PTDSS2: variants seen among roughly 807,000 people sequenced by gnomAD.
The protein encoded by PTDSS2 is PSS-2.
PTDSS2 carries 41 observed loss-of-function variants against 64.7 expected under a neutral mutation model. The observed-to-expected ratio is 0.63, with a 90% CI of 0.49 to 0.82. The LOEUF (loss-of-function observed/expected upper bound fraction) is 0.82, where lower values mean the gene tolerates loss of function less well. Ranked by LOEUF, PTDSS2 falls within the 40% of genes least tolerant of loss-of-function variation. PTDSS2 has a pLI of 0.00. For missense variants in PTDSS2, 485 were observed against 650.0 expected, an observed-to-expected ratio of 0.75 and a Z score of 2.76; for synonymous variants, 297 against 277.8, an observed-to-expected ratio of 1.07 and a Z score of -0.69.
intron 1 of PTDSS2, among the ~76,000 whole-genome samples, chr11:454,159 G>A (rs7931534): frequency 0.034 from 5,108 of 152,232 alleles, 285 homozygotes; most frequent in African/African-American, 0.11. Flanking sequence ...TTCCAGGAGC[G>A]TTGGATTTGA....
intron 3 of PTDSS2, among the ~76,000 whole-genome samples, chr11:475,213 C>CACGCG (rs1564979844): frequency 1.6e-5 from 1 of 62,320 alleles, no homozygotes; most frequent in African/African-American, 8.4e-5. Context: ...ATAATCACGT[C>CACGCG]TTTGTGTATA....
rs551361740 is a variant in PTDSS2 at position 476,462 on chromosome 11, G to A, written c.367+2485G>A. On this transcript the variant is annotated intron_variant, in intron 3 of 11. Coordinates refer to ENST00000308020, the MANE Select transcript of PTDSS2 (RefSeq NM_030783.3). The surrounding 1 kb of genome is among the most constrained non-coding windows in gnomAD (Gnocchi z 4.9). ...GGATTTGGAGGGAAGAAAAGCTGCC[G>A]GAAGCTCAACCCATGGCCGTCCTTG... Among the ~76,000 whole-genome samples, 248 of 152,292 alleles carry A rather than the reference G, an allele frequency of 1.6e-3. 1 individual carries two copies. Among genetic ancestry groups the A allele is most frequent in the Middle Eastern group, 6.8e-3 (2 of 294 alleles).
chr11:490,111 G>A lies in PTDSS2; in HGVS notation c.1301+43G>A, dbSNP rs1203017427. 6 of 1,555,266 alleles carry A rather than the reference G, an allele frequency of 3.9e-6. No homozygotes were observed. In the Admixed American group the frequency reaches 7.2e-5, roughly 19 times the overall value. ...GCGTATGTTCTGAAGGAGGGCCGCT[G>A]TCCGGGTCCCTTGGCACAGGCACTG... On this transcript the variant is annotated intron_variant, in intron 11 of 11. Transcript: ENST00000308020.
In PTDSS2 at chr11:490,530, A is replaced by G; in HGVS notation, c.1412A>G (p.Asp471Gly). 1 of 1,612,502 alleles carries G rather than the reference A, an allele frequency of 6.2e-7. No homozygotes were observed. Among genetic ancestry groups the G allele is most frequent in the Non-Finnish European group, 8.5e-7 (1 of 1,179,664 alleles). The change falls in exon 12 of 12, where the codon GAC (aspartate) becomes GGC (glycine). Residue 471 changes from aspartate (D) to glycine (G), a missense_variant. Physicochemically the swap from Asp to Gly is moderately conservative, Grantham distance 94. Transcript: ENST00000308020. ...CAGCACCCACTGGGGCTGGACGAAG[A>G]CCTGCTGGGGCCTGGGGTGGCCGAG... Reference protein sequence around the residue: ...GDQHPLGLDEDLLGPGVAEGE... With the variant: ...GDQHPLGLDEGLLGPGVAEGE...
Position 490,889 on chromosome 11 carries a change from G to A in PTDSS2, c.*307G>A, listed in dbSNP as rs1445324147. 1 of 391,670 alleles carries A rather than the reference G, an allele frequency of 2.6e-6. No individual in the cohort carries two copies. Among genetic ancestry groups the A allele is most frequent in the Non-Finnish European group, 4.6e-6 (1 of 217,026 alleles). 24.3% of individuals were successfully genotyped at this position (391,670 alleles called of 1,614,324 possible). On this transcript the variant is annotated 3_prime_UTR_variant, in exon 12 of 12. Coordinates refer to ENST00000308020, the MANE Select transcript of PTDSS2 (RefSeq NM_030783.3). Reference sequence around the variant, plus strand: ...CGAGGCTTCTCCAGAGCTGGGAGCTGGCTGGCGTGGCAAGGGCATGCTCTG... The same window carrying A: ...CGAGGCTTCTCCAGAGCTGGGAGCTAGCTGGCGTGGCAAGGGCATGCTCTG...
At position 473,813 on chromosome 11, in the gene PTDSS2, G is replaced by A. The variant is rs1272010524; in HGVS notation, c.285-82G>A. 14 of 1,063,010 alleles carry A rather than the reference G, an allele frequency of 1.3e-5. 1 individual carries two copies. The highest frequency in any genetic ancestry group is 1.9e-5 in the Non-Finnish European group (13 of 677,656). The allele number at this position is 1,063,010 out of a possible 1,614,324, so 65.8% of individuals were successfully genotyped here. ...CATCAGGGGCTGTTCCACAATGGGTGTCTGGGGGTCCCTGCAGCCTCCCAC... is the reference window on the plus strand; with the variant it reads ...CATCAGGGGCTGTTCCACAATGGGTATCTGGGGGTCCCTGCAGCCTCCCAC... On this transcript the variant is annotated intron_variant, in intron 2 of 11. Coordinates refer to ENST00000308020, the MANE Select transcript of PTDSS2 (RefSeq NM_030783.3).
intron 4 of PTDSS2, among the ~76,000 whole-genome samples, chr11:484,488 T>TA (rs1848206079): frequency 6.6e-6 from 1 of 152,240 alleles, no homozygotes; most frequent in African/African-American, 2.4e-5. Context: ...CAGGCGTCTG[T>TA]AAACACAGCC....
At chr11:475,829 T>G (rs1847778488) in intron 3 of PTDSS2, among the ~76,000 whole-genome samples, 1 of 152,248 alleles carries the variant, frequency 6.6e-6, no homozygotes, top group Non-Finnish European at 1.5e-5. Flanking sequence ...TATTGTATAT[T>G]TAGAGAGTTT....
chr11:459,452 G>C (rs12806187), intron 1 of PTDSS2: 18,201 of 152,656 alleles, frequency 0.12, 1,253 homozygotes, highest in Middle Eastern at 0.15. Context: ...TCTCTCCGAG[G>C]ACACACTCCG....
At chr11:475,749 G>A (rs1847775560) in intron 3 of PTDSS2, among the ~76,000 whole-genome samples, 2 of 152,090 alleles carry the variant, frequency 1.3e-5, no homozygotes, top group South Asian at 4.1e-4. Context: ...TTTAACACCC[G>A]AAATTTTAAT....
intron 5 of PTDSS2, 48 bp from the exon 6 acceptor site, chr11:487,372 G>T (rs769070791): frequency 1.9e-6 from 3 of 1,554,720 alleles, no homozygotes; most frequent in Admixed American, 1.7e-5. Context: ...TGTGGGGAGT[G>T]GGGGTGGCTG....
chr11:473,925 A>G lies in PTDSS2; in HGVS notation c.315A>G (p.Leu105=), dbSNP rs561867354. ...RGIVASILVF[L]CFGVTQAKDG... Reference sequence around the variant, plus strand: ...TTGTGGCCAGTATTTTGGTTTTCTTATGTTTTGGAGTCACACAAGCTAAAG... The same window carrying G: ...TTGTGGCCAGTATTTTGGTTTTCTTGTGTTTTGGAGTCACACAAGCTAAAG... Residue 105 remains leucine, a synonymous_variant, in exon 3 of 12, where the codon TTA becomes TTG. Transcript: ENST00000308020. 1 of 1,613,900 alleles carries G rather than the reference A, an allele frequency of 6.2e-7. No homozygotes were observed. Among genetic ancestry groups the G allele is most frequent in the South Asian group, 1.1e-5 (1 of 91,072 alleles).
chr11:477,481 C>T (rs1847860080), intron 3 of PTDSS2, among the ~76,000 whole-genome samples: 2 of 152,156 alleles, frequency 1.3e-5, no homozygotes, highest in African/African-American at 4.8e-5. Context: ...AGACCAAGGG[C>T]CTGCTGGGTA....
Position 488,532 on chromosome 11 carries a change from A to G in PTDSS2, c.739A>G (p.Ile247Val). ...GAGTGCTGGCCCCTCCCTGCAGTGG[A>G]TCATGGACGTGCTCGTCTGCAACGG... ...NFSECWWDHW[I>V]MDVLVCNGLG... The change falls in exon 8 of 12, where the codon ATC becomes GTC. Residue 247 changes from isoleucine (I) to valine (V), a missense_variant. By Grantham distance (29) the Ile-to-Val change is conservative. Transcript: ENST00000308020. 2 of 1,612,990 alleles carry G rather than the reference A, an allele frequency of 1.2e-6. No individual in the cohort carries two copies. Among genetic ancestry groups the G allele is most frequent in the South Asian group, 2.2e-5 (2 of 91,064 alleles).
chr11:487,750 C>G (rs935511329), intron 6 of PTDSS2, among the ~76,000 whole-genome samples: 5 of 152,238 alleles, frequency 3.3e-5, no homozygotes, highest in Non-Finnish European at 5.9e-5. Context: ...ACTGCCCCAT[C>G]CCACTTCTGA....
chr11:485,337 G>C (rs1293716313), intron 4 of PTDSS2, among the ~76,000 whole-genome samples: 1 of 137,916 alleles, frequency 7.3e-6, no homozygotes, highest in South Asian at 2.3e-4. Context: ...GCACGAGCGC[G>C]TGTGTGCTCA....
intron 2 of PTDSS2, among the ~76,000 whole-genome samples, chr11:464,348 G>A (rs887454519): frequency 3.3e-5 from 5 of 152,174 alleles, no homozygotes; most frequent in Non-Finnish European, 7.3e-5. Flanking sequence ...TCTGATTCAC[G>A]CGTACGGCTG....
chr11:490,045 G>C lies in PTDSS2; in HGVS notation c.1278G>C (p.Trp426Cys). The change falls in exon 11 of 12, where the codon TGG becomes TGC. Residue 426 changes from tryptophan (W) to cysteine (C), a missense_variant. Coordinates refer to ENST00000308020, the MANE Select transcript of PTDSS2 (RefSeq NM_030783.3). ...WTLGSVLALT[W>C]TVWRFFLRDI... ...TCGGCTCCGTCCTGGCGCTCACCTG[G>C]ACCGTCTGGCGCTTCTTCCTGCGGT... 1.2e-6 allele frequency: 2 copies of C among 1,609,416 alleles called. No individual in the cohort carries two copies. Among genetic ancestry groups the C allele is most frequent in the South Asian group, 2.2e-5 (2 of 91,082 alleles).
Position 470,315 on chromosome 11 carries a change from A to G in PTDSS2, c.285-3580A>G, listed in dbSNP as rs1021089367. On this transcript the variant is annotated intron_variant, in intron 2 of 11. Coordinates refer to ENST00000308020, the MANE Select transcript of PTDSS2 (RefSeq NM_030783.3). The surrounding 1 kb of genome is among the most constrained non-coding windows in gnomAD (Gnocchi z 5.3). ...CCCGACGACCCCAGCCCGGCCATGC[A>G]GAGGCATAGTCGACCATCTCACTAA... 2.0e-5 allele frequency among the ~76,000 whole-genome samples: 3 copies of G among 152,210 alleles called. No individual in the cohort carries two copies. The highest frequency in any genetic ancestry group is 4.4e-5 in the Non-Finnish European group (3 of 68,040).
Sources: gnomAD v4.1 joint callset for allele counts (sites outside exome capture counted in the v4.1 genomes callset) on GRCh38, gnomAD v4.1.1 for gene constraint, Gnocchi (gnomAD v3.1) non-coding constraint, MANE v1.5 for transcripts, NCBI Gene and HGNC (gene_info 2026-07-23, HGNC 2026-07-21) for gene names.